The following TNRC6C variants were observed in gnomAD, a reference collection of about 807,000 sequenced individuals.
TNRC6C encodes trinucleotide repeat containing adaptor 6C, also known as trinucleotide repeat-containing gene 6C protein.
TNRC6C carries 20 observed loss-of-function variants against 153.7 expected under a neutral mutation model. The observed-to-expected ratio is 0.13, with a 90% CI of 0.09 to 0.19. The LOEUF (loss-of-function observed/expected upper bound fraction) is 0.19. TNRC6C is among the 10% of genes least tolerant of loss of function. TNRC6C has a pLI of 1.00. For synonymous variants in TNRC6C, 811 were observed against 841.4 expected, an observed-to-expected ratio of 0.96 and a Z score of 0.63; for missense variants, 1,987 against 2,172.0, an observed-to-expected ratio of 0.91 and a Z score of 1.69.
At chr17:78,045,300 C>G (rs1040911755) in intron 2 of TNRC6C, among the ~76,000 whole-genome samples, 1 of 152,162 alleles carries the variant, frequency 6.6e-6, no homozygotes, top group Non-Finnish European at 1.5e-5. Flanking sequence ...AATATGTAAA[C>G]TCAACAGGCA....
chr17:78,054,080 C>T (rs2072594652), intron 3 of TNRC6C, among the ~76,000 whole-genome samples: 1 of 152,140 alleles, frequency 6.6e-6, no homozygotes, highest in African/African-American at 2.4e-5. Context: ...ACCTGCACAG[C>T]ATATTACTGT....
Position 78,103,409 on chromosome 17 carries a change from A to G in TNRC6C, c.4573-5A>G. On this transcript the variant is annotated splice_polypyrimidine_tract_variant and splice_region_variant and intron_variant, in intron 18 of 19. Coordinates refer to ENST00000301624, the Ensembl canonical transcript of TNRC6C. ...TCATTCATGTCCCTGTGCTTCCTCT[A>G]TCAGATTGATGGTTCTACACTGCGG... 6.2e-7 allele frequency: 1 copy of G among 1,613,928 alleles called. No homozygotes were observed. The highest frequency in any genetic ancestry group is 8.5e-7 in the Non-Finnish European group (1 of 1,179,858).
intron 1 of TNRC6C, among the ~76,000 whole-genome samples, chr17:77,968,293 A>C (rs2144049257): frequency 6.6e-6 from 1 of 151,148 alleles, no homozygotes; most frequent in African/African-American, 2.4e-5. Context: ...CGGCCTCCCA[A>C]AGCACTGGGA....
In TNRC6C at chr17:78,049,799, A is replaced by G. The variant is rs750269752; in HGVS notation, c.737A>G (p.Asn246Ser). The change falls in exon 3 of 20, where the codon AAT (asparagine) becomes AGT (serine). Residue 246 changes from asparagine to serine, a missense_variant. Coordinates refer to ENST00000301624, the Ensembl canonical transcript of TNRC6C. This position sits in a 1 kb window ranked among gnomAD's most constrained non-coding sequence, Gnocchi z 4.1. ...GGGGGCAGTGCTGAAGGAATAAGCAATTCTGTGTGGGGACTGTCCCCAGGT... is the reference window on the plus strand; with the variant it reads ...GGGGGCAGTGCTGAAGGAATAAGCAGTTCTGTGTGGGGACTGTCCCCAGGT... The G allele has an allele frequency of 2.8e-5, 45 of 1,604,698 alleles. No homozygotes were observed. Among genetic ancestry groups the G allele is most frequent in the Non-Finnish European group, 3.6e-5 (42 of 1,174,322 alleles).
chr17:78,030,497 T>A (rs2072049029), intron 1 of TNRC6C, among the ~76,000 whole-genome samples: 1 of 152,178 alleles, frequency 6.6e-6, no homozygotes, highest in Non-Finnish European at 1.5e-5. Context: ...GAGTAATGTG[T>A]TGTGACATTG....
exon 9 of TNRC6C, chr17:78,077,269 C>T: frequency 6.3e-7 from 1 of 1,594,624 alleles, no homozygotes; most frequent in Middle Eastern, 1.7e-4. Context: ...CAGTGCACTC[C>T]CCAGTCAGGC....
At chr17:77,963,133 G>A (rs1598634761) in intron 1 of TNRC6C, among the ~76,000 whole-genome samples, 2 of 152,120 alleles carry the variant, frequency 1.3e-5, no homozygotes, top group East Asian at 3.8e-4. Context: ...TTAATGCAGT[G>A]GAGTCCATTT....
At chr17:78,099,705 G>T (rs1161724763) in intron 17 of TNRC6C, among the ~76,000 whole-genome samples, 1 of 152,082 alleles carries the variant, frequency 6.6e-6, no homozygotes, top group Non-Finnish European at 1.5e-5. Context: ...TTCTGCCCCT[G>T]ACCCCTCCCA....
chr17:78,098,722 T>C (rs1205940051), intron 17 of TNRC6C, among the ~76,000 whole-genome samples, 185 bp downstream of exon 20: 1 of 152,166 alleles, frequency 6.6e-6, no homozygotes, highest in Non-Finnish European at 1.5e-5. Context: ...GCCTGGTGTT[T>C]TTAGCATCAG....
intron 15 of TNRC6C, 42 bp from the exon 18 acceptor site, chr17:78,093,578 G>A (rs368842347): frequency 8.8e-5 from 142 of 1,607,804 alleles, no homozygotes; most frequent in Middle Eastern, 8.3e-4. Flanking sequence ...TCAATGTGCC[G>A]GTGTTCTGAT....
intron 1 of TNRC6C, among the ~76,000 whole-genome samples, chr17:78,030,441 T>A (rs996441303): frequency 2.0e-5 from 3 of 152,204 alleles, no homozygotes; most frequent in Admixed American, 2.0e-4. Context: ...TTTATGTGAC[T>A]GGCAGGATGG....
At chr17:78,002,612 G>T (rs919520852), upstream of TNRC6C, among the ~76,000 whole-genome samples, 11 of 152,144 alleles carry the variant, frequency 7.2e-5, no homozygotes, top group Non-Finnish European at 1.5e-5. Flanking sequence ...TATTGTTCAG[G>T]CTGGGTGTGG....
chr17:78,096,532 C>T (rs1236085291), intron 16 of TNRC6C, among the ~76,000 whole-genome samples: 1 of 152,280 alleles, frequency 6.6e-6, no homozygotes, highest in Non-Finnish European at 1.5e-5. Flanking sequence ...CTGCAAACAG[C>T]TGTGCAGGTT....
intron 3 of TNRC6C, among the ~76,000 whole-genome samples, chr17:78,059,050 C>T (rs186788222): frequency 2.6e-4 from 39 of 152,312 alleles, no homozygotes; most frequent in Admixed American, 1.6e-3. Context: ...CTATAAGTCT[C>T]ATTAGCAGCA....
intron 1 of TNRC6C, among the ~76,000 whole-genome samples, chr17:77,993,682 G>A (rs2071286020): frequency 6.6e-6 from 1 of 152,070 alleles, no homozygotes; most frequent in Non-Finnish European, 1.5e-5. Flanking sequence ...TTTGCAGGGT[G>A]TGGGCAGCAT....
chr17:78,091,539 C>T, exon 14 of TNRC6C: 3 of 1,608,022 alleles, frequency 1.9e-6, no homozygotes, highest in Non-Finnish European at 1.7e-6. Context: ...CCCCAGTGGA[C>T]GCACCCCAAC....
intron 1 of TNRC6C, among the ~76,000 whole-genome samples, chr17:77,990,464 C>T (rs1044133173): frequency 2.6e-5 from 4 of 152,314 alleles, no homozygotes; most frequent in African/African-American, 9.6e-5. Context: ...TTAGGCCCCC[C>T]ATCATCTTGC....
chr17:78,094,872 GC>G (rs2073456085), intron 16 of TNRC6C, among the ~76,000 whole-genome samples: 2 of 152,286 alleles, frequency 1.3e-5, no homozygotes, highest in Middle Eastern at 3.4e-3. Flanking sequence ...CTTTTTGGAT[GC>G]AGCTGCGTTT....
At position 78,091,404 on chromosome 17, in the gene TNRC6C, G is replaced by A. The variant is rs773582372; in HGVS notation, c.3803-36G>A. On this transcript the variant is annotated intron_variant, in intron 13 of 19. Coordinates refer to ENST00000301624, the Ensembl canonical transcript of TNRC6C. ...GAGCTTTAGAATGAAGTCATTTAGA[G>A]GAGCAGGCGAATCCTAACCGCATCT... The A allele has an allele frequency of 2.6e-6, 4 of 1,529,474 alleles. No individual in the cohort carries two copies. The East Asian group carries it at 1.0e-4, about 38-fold the overall frequency. 94.7% of individuals were successfully genotyped at this position (1,529,474 alleles called of 1,614,324 possible). A position where few individuals can be genotyped will look rare whatever the true frequency, so the allele number is the denominator to read the frequency against.
Sources: gnomAD v4.1 joint callset for allele counts (sites outside exome capture counted in the v4.1 genomes callset) on GRCh38, gnomAD v4.1.1 for gene constraint, Gnocchi (gnomAD v3.1) non-coding constraint, MANE v1.5 for transcripts, NCBI Gene and HGNC (gene_info 2026-07-23, HGNC 2026-07-21) for gene names.